Variants in SERPINE2 observed in about 807,000 individuals in gnomAD.
SERPINE2 encodes serpin family E member 2.
In SERPINE2, 14 loss-of-function variants were observed where a neutral mutation model predicts 36.3. The ratio of observed to expected loss-of-function variants is 0.39; its 90% CI spans 0.25 to 0.60. The LOEUF is 0.60. SERPINE2 is among the 20% of genes least tolerant of loss of function. SERPINE2 has a pLI of 0.57. For missense variants in SERPINE2, 418 were observed against 499.6 expected, an observed-to-expected ratio of 0.84 and a Z score of 1.56; for synonymous variants, 192 against 191.8, an observed-to-expected ratio of 1.00 and a Z score of -0.01.
At chr2:224,014,625 T>C (rs1691737073) in intron 1 of SERPINE2, among the ~76,000 whole-genome samples, 1 of 152,152 alleles carries the variant, frequency 6.6e-6, no homozygotes, top group African/African-American at 2.4e-5. Context: ...AACTCTTCAG[T>C]GTGGGGGCTG....
chr2:224,035,886 G>A (rs191359020), intron 1 of SERPINE2, among the ~76,000 whole-genome samples: 1 of 152,138 alleles, frequency 6.6e-6, no homozygotes, highest in Non-Finnish European at 1.5e-5. Flanking sequence ...TTCACAGCAT[G>A]AAGAAGCAAC....
chr2:224,010,357 A>G, intron 1 of SERPINE2: 1 of 985,298 alleles, frequency 1.0e-6, no homozygotes, highest in Non-Finnish European at 1.2e-6. Context: ...TCAGCCGCTG[A>G]AAAGTATGGC....
At chr2:224,022,278 G>A (rs1168540033) in intron 1 of SERPINE2, among the ~76,000 whole-genome samples, 1 of 149,318 alleles carries the variant, frequency 6.7e-6, no homozygotes, top group Non-Finnish European at 1.5e-5. Flanking sequence ...GTTGCAGTGA[G>A]CCCAGATCAC....
rs1202591158 is a variant in SERPINE2, at chr2:224,039,233, A to G, written c.-157T>C. The G allele has an allele frequency of 2.0e-5, 3 of 150,864 alleles. No homozygotes were observed. The highest frequency in any genetic ancestry group is 7.3e-5 in the African/African-American group (3 of 41,308). The allele number at this position is 150,864 out of a possible 1,614,324, so 9.3% of individuals were successfully genotyped here. On this transcript the variant is annotated 5_prime_UTR_variant, in exon 1 of 9. Transcript: ENST00000409304. The surrounding 1 kb of genome is among the most constrained non-coding windows in gnomAD (Gnocchi z 5.2). Reference sequence around the variant, plus strand: ...GCGGCGAGGAGGGTCACAGCCGGAAAGAGGCAGCGGTGGCGCCTGCAGACG... The same window carrying G: ...GCGGCGAGGAGGGTCACAGCCGGAAGGAGGCAGCGGTGGCGCCTGCAGACG...
At chr2:223,990,005 C>T (rs1690595914) in intron 4 of SERPINE2, among the ~76,000 whole-genome samples, 1 of 151,964 alleles carries the variant, frequency 6.6e-6, no homozygotes, top group African/African-American at 2.4e-5. Context: ...GGGTGGTGAC[C>T]CAGAGAGAAA....
At chr2:224,001,148 G>T (rs1691103233) in intron 2 of SERPINE2, among the ~76,000 whole-genome samples, 1 of 152,112 alleles carries the variant, frequency 6.6e-6, no homozygotes, top group African/African-American at 2.4e-5. Flanking sequence ...CCTGTTGTGG[G>T]CTTGGGGAGG....
At chr2:224,013,651 G>C (rs557558832) in intron 1 of SERPINE2, among the ~76,000 whole-genome samples, 1 of 152,332 alleles carries the variant, frequency 6.6e-6, no homozygotes, top group Admixed American at 6.5e-5. Flanking sequence ...TCCTGAACCT[G>C]AATGATAGAG....
intron 1 of SERPINE2, among the ~76,000 whole-genome samples, chr2:224,005,934 C>T (rs1302757525): frequency 6.6e-6 from 1 of 152,134 alleles, no homozygotes; most frequent in Non-Finnish European, 1.5e-5. Flanking sequence ...TATCTCCTTC[C>T]CTATGTTCTT....
At chr2:223,982,154 A>C (rs1690247205) in intron 6 of SERPINE2, 2 of 152,338 alleles carry the variant, frequency 1.3e-5, no homozygotes, top group Non-Finnish European at 1.5e-5. Flanking sequence ...AAAGAATGAA[A>C]TAATATCTTT....
intron 3 of SERPINE2, among the ~76,000 whole-genome samples, chr2:223,995,118 T>A (rs1690828736): frequency 1.3e-5 from 2 of 152,142 alleles, no homozygotes; most frequent in African/African-American, 2.4e-5. Context: ...GTAAGGGGAC[T>A]AGGAAGAGGC....
At chr2:223,982,525 C>A in intron 6 of SERPINE2, 156 bp downstream of exon 6, 1 of 473,432 alleles carries the variant, frequency 2.1e-6, no homozygotes, top group Non-Finnish European at 3.7e-6. Flanking sequence ...AATAAATAAA[C>A]GAAGGCCAAT....
chr2:224,036,338 A>T (rs1467449326), intron 1 of SERPINE2, among the ~76,000 whole-genome samples: 1 of 81,744 alleles, frequency 1.2e-5, no homozygotes, highest in Non-Finnish European at 2.5e-5. Context: ...CCAGGGATGG[A>T]AAAAAAAAAA....
rs536980420 is a variant in SERPINE2 at position 223,994,892 on chromosome 2, G to A, written c.488-2892C>T. ...TATTACATCTCTCCATTTTACAGAC[G>A]AGAATGCTGATGCAAAGCAAGCTTA... is the stretch of plus-strand genomic sequence containing the variant. On this transcript the variant is annotated intron_variant, in intron 3 of 8. Coordinates refer to ENST00000409304, the MANE Select transcript of SERPINE2 (RefSeq NM_001136528.2). Among the ~76,000 whole-genome samples, 6 of 152,294 alleles carry A rather than the reference G, an allele frequency of 3.9e-5. 1 individual carries two copies. The highest frequency in any genetic ancestry group is 3.9e-4 in the East Asian group (2 of 5,190).
chr2:224,038,707 G>A (rs924798884), intron 1 of SERPINE2: 2 of 608,152 alleles, frequency 3.3e-6, no homozygotes, highest in Admixed American at 2.8e-5. Context: ...AGGGGTTGCC[G>A]GCGAGCAGCT....
intron 4 of SERPINE2, among the ~76,000 whole-genome samples, chr2:223,986,586 A>T (rs3795881): frequency 0.77 from 116,655 of 152,012 alleles, 45,316 homozygotes; most frequent in Non-Finnish European, 0.82. Flanking sequence ...ACTGTGAAAT[A>T]TGGGAAGTGG....
chr2:223,990,575 TA>T (rs1420360923), intron 4 of SERPINE2, among the ~76,000 whole-genome samples: 1 of 152,254 alleles, frequency 6.6e-6, no homozygotes. Flanking sequence ...CTTTTTATTT[TA>T]TTTTTTTATG....
At chr2:224,019,953 C>A (rs550865133) in intron 1 of SERPINE2, among the ~76,000 whole-genome samples, 1 of 152,214 alleles carries the variant, frequency 6.6e-6, no homozygotes, top group African/African-American at 2.4e-5. Context: ...AACCAAATGT[C>A]TGGAGACACT....
intron 1 of SERPINE2, among the ~76,000 whole-genome samples, chr2:224,027,608 C>T (rs984886446): frequency 6.6e-6 from 1 of 152,112 alleles, no homozygotes; most frequent in African/African-American, 2.4e-5. Flanking sequence ...TATTTTATCA[C>T]CATGATAATA....
intron 3 of SERPINE2, among the ~76,000 whole-genome samples, chr2:223,994,510 C>T (rs1000895357): frequency 3.3e-5 from 5 of 152,230 alleles, no homozygotes; most frequent in Non-Finnish European, 5.9e-5. Flanking sequence ...GGATACCTAC[C>T]TGCCTACCAT....
Sources: gnomAD v4.1 joint callset for allele counts (sites outside exome capture counted in the v4.1 genomes callset) on GRCh38, gnomAD v4.1.1 for gene constraint, Gnocchi (gnomAD v3.1) non-coding constraint, MANE v1.5 for transcripts, NCBI Gene and HGNC (gene_info 2026-07-23, HGNC 2026-07-21) for gene names.